The following MAGI1 variants were observed in gnomAD, a reference collection of about 807,000 sequenced individuals.
The protein encoded by MAGI1 is membrane-associated guanylate kinase, WW and PDZ domain-containing protein 1.
MAGI1 carries 58 observed loss-of-function variants against 139.9 expected under a neutral mutation model. That is an observed-to-expected ratio of 0.41 (90% CI 0.34 to 0.52). MAGI1 has a LOEUF of 0.52. Among genes scored for constraint, MAGI1 ranks in the 20% least tolerant of loss-of-function variants. The pLI is 0.12. For missense variants in MAGI1, 1,874 were observed against 1,901.6 expected, an observed-to-expected ratio of 0.99 and a Z score of 0.27; for synonymous variants, 812 against 737.9, an observed-to-expected ratio of 1.10 and a Z score of -1.63.
At chr3:65,986,760 T>C (rs142230585) in intron 1 of MAGI1, among the ~76,000 whole-genome samples, 61 of 152,336 alleles carry the variant, frequency 4.0e-4, no homozygotes, top group Admixed American at 1.8e-3. Flanking sequence ...CTTGTGATAG[T>C]CCAACGGTCT....
chr3:65,802,848 CTGTGTGTGTGTG>C (rs55814110), intron 1 of MAGI1, among the ~76,000 whole-genome samples: 41 of 138,224 alleles, frequency 3.0e-4, no homozygotes, highest in Middle Eastern at 7.6e-3. Flanking sequence ...ATCATCTCAT[CTGTGTGTGTGTG>C]TGTGTGTGTG....
At chr3:65,599,289 C>A (rs1406853830) in intron 2 of MAGI1, among the ~76,000 whole-genome samples, 1 of 152,160 alleles carries the variant, frequency 6.6e-6, no homozygotes, top group Non-Finnish European at 1.5e-5. Flanking sequence ...ATTTAGATAA[C>A]AAGGCAGCAC....
chr3:65,375,108 T>C (rs1478205447), intron 18 of MAGI1, among the ~76,000 whole-genome samples: 2 of 152,136 alleles, frequency 1.3e-5, no homozygotes, highest in Non-Finnish European at 2.9e-5. Context: ...ACCACCTGTA[T>C]TAAAACTATT....
chr3:65,517,731 G>T (rs1164020667), intron 2 of MAGI1, among the ~76,000 whole-genome samples: 1 of 151,982 alleles, frequency 6.6e-6, no homozygotes, highest in Non-Finnish European at 1.5e-5. Context: ...CTGCCACAGG[G>T]ATCCCTCCTC....
At chr3:65,878,774 C>T (rs1335115939) in intron 1 of MAGI1, among the ~76,000 whole-genome samples, 1 of 152,160 alleles carries the variant, frequency 6.6e-6, no homozygotes, top group Non-Finnish European at 1.5e-5. Flanking sequence ...GCCCAGGGCC[C>T]TGCTCCTGAT....
At chr3:65,456,558 T>A (rs1949403001) in intron 5 of MAGI1, among the ~76,000 whole-genome samples, 1 of 152,208 alleles carries the variant, frequency 6.6e-6, no homozygotes. Flanking sequence ...ATTTTTTCTT[T>A]CTCAGGGATC....
intron 1 of MAGI1, among the ~76,000 whole-genome samples, chr3:66,015,335 T>C (rs2107525404): frequency 6.6e-6 from 1 of 152,274 alleles, no homozygotes; most frequent in African/African-American, 2.4e-5. Context: ...CTGAGCCCAG[T>C]AAAGCACCTT....
intron 1 of MAGI1, among the ~76,000 whole-genome samples, chr3:65,760,815 T>C (rs1386730330): frequency 6.6e-6 from 1 of 152,042 alleles, no homozygotes; most frequent in African/African-American, 2.4e-5. Context: ...TTTAAGGAAG[T>C]TCTCATCAAC....
At chr3:65,359,916 G>A (rs151132516) in intron 22 of MAGI1, 2,400 of 985,388 alleles carry the variant, frequency 2.4e-3, no homozygotes, top group Non-Finnish European at 2.8e-3. Context: ...GGGAGACAAT[G>A]TTACACAGTT....
chr3:66,016,266 C>A (rs922737699), intron 1 of MAGI1, among the ~76,000 whole-genome samples: 4 of 152,022 alleles, frequency 2.6e-5, no homozygotes, highest in Non-Finnish European at 5.9e-5. Context: ...TCATTGAATC[C>A]CTGTAGCAAT....
intron 1 of MAGI1, among the ~76,000 whole-genome samples, chr3:65,986,604 T>C (rs1362536651): frequency 6.6e-6 from 1 of 152,198 alleles, no homozygotes; most frequent in African/African-American, 2.4e-5. Flanking sequence ...TACCAGGATT[T>C]CCAAAAGCTT....
intron 1 of MAGI1, among the ~76,000 whole-genome samples, chr3:65,759,590 G>A (rs1255134888): frequency 6.6e-6 from 1 of 152,148 alleles, no homozygotes; most frequent in Non-Finnish European, 1.5e-5. Context: ...GTGGGTGGGG[G>A]GTAGAAGAGG....
At chr3:65,743,067 G>C (rs1020708011) in intron 1 of MAGI1, among the ~76,000 whole-genome samples, 1 of 151,920 alleles carries the variant, frequency 6.6e-6, no homozygotes, top group Non-Finnish European at 1.5e-5. Flanking sequence ...TCTCTACAAA[G>C]ACATCTGCAT....
chr3:65,591,847 T>A (rs2081978015), intron 2 of MAGI1, among the ~76,000 whole-genome samples: 1 of 152,178 alleles, frequency 6.6e-6, no homozygotes. Context: ...CCCTCATGCA[T>A]TCAGGTTTGT....
rs372918796 is a variant in MAGI1, at chr3:65,956,023, T to C, written c.313+81973A>G. Among the ~76,000 whole-genome samples, 7 of 152,130 alleles carry C rather than the reference T, an allele frequency of 4.6e-5. No individual in the cohort carries two copies. The East Asian group carries it at 1.2e-3, about 25-fold the overall frequency. On this transcript the variant is annotated intron_variant, in intron 1 of 22. Transcript: ENST00000402939. Reference sequence around the variant, plus strand: ...TGGGCCGAAGGAGTGTTTATGGTTCTGCCCGGCCATAAACATGCCAGCCTT... The same window carrying C: ...TGGGCCGAAGGAGTGTTTATGGTTCCGCCCGGCCATAAACATGCCAGCCTT...
At chr3:65,875,281 G>A (rs930054811) in intron 1 of MAGI1, among the ~76,000 whole-genome samples, 1 of 152,168 alleles carries the variant, frequency 6.6e-6, no homozygotes, top group Non-Finnish European at 1.5e-5. Context: ...TTGTTGTTGA[G>A]ATGATGAAAA....
chr3:65,622,977 C>A (rs2083765429), intron 1 of MAGI1, among the ~76,000 whole-genome samples: 1 of 152,138 alleles, frequency 6.6e-6, no homozygotes, highest in African/African-American at 2.4e-5. Context: ...TTTGCATAAG[C>A]TAGATTTTCA....
At chr3:65,894,389 T>C (rs1027186788) in intron 1 of MAGI1, among the ~76,000 whole-genome samples, 3 of 152,190 alleles carry the variant, frequency 2.0e-5, no homozygotes, top group Non-Finnish European at 4.4e-5. Flanking sequence ...AACTGAGTTG[T>C]TCCTTGGTGA....
chr3:65,886,814 G>A (rs969441555), intron 1 of MAGI1, among the ~76,000 whole-genome samples: 2 of 152,180 alleles, frequency 1.3e-5, no homozygotes, highest in Admixed American at 6.5e-5. Context: ...TGAGGTAACT[G>A]CTAATGCAGC....
Sources: allele counts gnomAD v4.1 joint callset (sites outside exome capture counted in the v4.1 genomes callset), GRCh38; gene constraint gnomAD v4.1.1; transcripts MANE v1.5; gene names NCBI Gene and HGNC (gene_info 2026-07-23, HGNC 2026-07-21).